The following NAALADL2 variants were observed in gnomAD, a reference collection of about 807,000 sequenced individuals.
The protein encoded by NAALADL2 is N-acetylated alpha-linked acidic dipeptidase like 2.
Under a neutral mutation model 87.2 loss-of-function variants are expected in NAALADL2, and 76 were observed. The ratio of observed to expected loss-of-function variants is 0.87; its 90% confidence interval spans 0.72 to 1.05. The LOEUF (loss-of-function observed/expected upper bound fraction) is 1.05, where lower values mean the gene tolerates loss of function less well. Ranked by LOEUF, NAALADL2 falls within the 50% of genes least tolerant of loss-of-function variation. NAALADL2 has a pLI of 0.00. For synonymous variants in NAALADL2, 354 were observed against 331.0 expected (o/e 1.07, Z -0.75); for missense variants, 1,089 against 945.8 (o/e 1.15, Z -1.99).
At chr3:175,693,292 A>G (rs988717841) in intron 11 of NAALADL2, among the ~76,000 whole-genome samples, 1 of 152,182 alleles carries the variant, frequency 6.6e-6, no homozygotes, top group Non-Finnish European at 1.5e-5. Flanking sequence ...AGGTTCATCT[A>G]TTACAGTGGC....
At chr3:175,213,868 T>C (rs1458336080) in intron 2 of NAALADL2, among the ~76,000 whole-genome samples, 1 of 152,128 alleles carries the variant, frequency 6.6e-6, no homozygotes, top group Non-Finnish European at 1.5e-5. Flanking sequence ...ATCCCAACAT[T>C]AGCATTTCCC....
intron 10 of NAALADL2, among the ~76,000 whole-genome samples, chr3:175,576,516 A>C (rs183432569): frequency 6.6e-6 from 1 of 152,314 alleles, no homozygotes; most frequent in African/African-American, 2.4e-5. Context: ...TGACATGTGC[A>C]ATAGATTCTC....
At chr3:174,859,035 A>G (rs1283291733), upstream of NAALADL2, among the ~76,000 whole-genome samples, 2 of 152,150 alleles carry the variant, frequency 1.3e-5, no homozygotes, top group African/African-American at 4.8e-5. Flanking sequence ...AACACTCAAA[A>G]ACAAAGAAAC....
At chr3:175,346,164 T>G (rs1214404925) in intron 5 of NAALADL2, among the ~76,000 whole-genome samples, 1 of 152,072 alleles carries the variant, frequency 6.6e-6, no homozygotes, top group Non-Finnish European at 1.5e-5. Flanking sequence ...ATGAAATATA[T>G]TCATTATAAA....
intron 1 of NAALADL2, among the ~76,000 whole-genome samples, chr3:174,500,727 T>A (rs1369342688): frequency 6.6e-6 from 1 of 152,188 alleles, no homozygotes; most frequent in Non-Finnish European, 1.5e-5. Context: ...GAAATGATCA[T>A]GTTTTTTCTT....
chr3:175,326,343 A>T lies in NAALADL2; in HGVS notation c.1090+2018A>T, dbSNP rs558193271. On this transcript the variant is annotated intron_variant, in intron 5 of 13. Transcript: ENST00000454872. ...GACCATTTAAGTAATCTCTATGAAG[A>T]TACAGCCTTCCCTACAGCTCTTGTC... Among the ~76,000 whole-genome samples the T allele has an allele frequency of 2.6e-5, 4 of 152,320 alleles. No homozygotes were observed. In the South Asian group the frequency reaches 8.3e-4, roughly 32 times the overall value.
intron 1 of NAALADL2, among the ~76,000 whole-genome samples, chr3:175,030,282 T>G (rs1042730866): frequency 6.6e-6 from 1 of 152,164 alleles, no homozygotes; most frequent in Admixed American, 6.6e-5. Flanking sequence ...CCATTAAGTT[T>G]TCTGTTATAG....
At chr3:175,283,725 C>G (rs545696891) in intron 4 of NAALADL2, among the ~76,000 whole-genome samples, 2 of 152,054 alleles carry the variant, frequency 1.3e-5, no homozygotes, top group Non-Finnish European at 2.9e-5. Context: ...GGTTCCTGTG[C>G]GGCTTGTGAG....
intron 2 of NAALADL2, among the ~76,000 whole-genome samples, chr3:174,640,122 G>A (rs1023345624): frequency 2.0e-5 from 3 of 152,142 alleles, no homozygotes; most frequent in African/African-American, 7.2e-5. Context: ...ATTTAGCCTA[G>A]AAATGCCAAA....
chr3:175,659,135 A>G (rs752007470), intron 11 of NAALADL2, among the ~76,000 whole-genome samples: 9 of 152,202 alleles, frequency 5.9e-5, no homozygotes, highest in Non-Finnish European at 8.8e-5. Context: ...ATACCTATCA[A>G]ATAGGATTTT....
At chr3:175,786,097 A>T (rs1353661604) in intron 13 of NAALADL2, among the ~76,000 whole-genome samples, 1 of 151,938 alleles carries the variant, frequency 6.6e-6, no homozygotes, top group Non-Finnish European at 1.5e-5. Flanking sequence ...CTTCCCTTTG[A>T]GGGTAACCCA....
At chr3:175,487,268 G>C (rs1417870048) in intron 9 of NAALADL2, among the ~76,000 whole-genome samples, 1 of 152,028 alleles carries the variant, frequency 6.6e-6, no homozygotes, top group South Asian at 2.1e-4. Context: ...CCCTTACCCT[G>C]TACTATCATA....
intron 11 of NAALADL2, among the ~76,000 whole-genome samples, chr3:175,736,321 CA>C (rs1369636024): frequency 1.3e-5 from 2 of 152,058 alleles, no homozygotes; most frequent in Non-Finnish European, 2.9e-5. Context: ...ATTGATCTCA[CA>C]GATGTATTAA....
intron 1 of NAALADL2, among the ~76,000 whole-genome samples, chr3:174,951,536 A>G (rs1740345174): frequency 6.6e-6 from 1 of 152,026 alleles, no homozygotes; most frequent in South Asian, 2.1e-4. Context: ...TCTTTCTCTA[A>G]ATCTTTTTAA....
chr3:174,594,096 T>C (rs1462819287), intron 2 of NAALADL2, among the ~76,000 whole-genome samples: 1 of 131,162 alleles, frequency 7.6e-6, no homozygotes, highest in Non-Finnish European at 1.5e-5. Context: ...GGAATTTTTT[T>C]TCTTTAGTCA....
intron 1 of NAALADL2, among the ~76,000 whole-genome samples, chr3:174,912,224 T>C (rs1291152561): frequency 6.6e-6 from 1 of 152,070 alleles, no homozygotes; most frequent in Non-Finnish European, 1.5e-5. Flanking sequence ...CAACAAGATA[T>C]AGGTGTTTGC....
At chr3:174,727,118 A>G (rs1231557651) in intron 2 of NAALADL2, among the ~76,000 whole-genome samples, 4 of 151,918 alleles carry the variant, frequency 2.6e-5, no homozygotes, top group Non-Finnish European at 4.4e-5. Flanking sequence ...CTTTGGCTTT[A>G]TTCAAGGAGT....
Position 174,959,432 on chromosome 3 carries a change from C to T in NAALADL2, c.43+99982C>T, listed in dbSNP as rs1000585065. On this transcript the variant is annotated intron_variant, in intron 1 of 13. Coordinates refer to ENST00000454872, the MANE Select transcript of NAALADL2 (RefSeq NM_207015.3). ...GCTGCCCACAGGCTCTGGAAACATACAATTGGTGATTGTTCTGAGGAGTTA... is the reference window on the plus strand; with the variant it reads ...GCTGCCCACAGGCTCTGGAAACATATAATTGGTGATTGTTCTGAGGAGTTA... Among the ~76,000 whole-genome samples the T allele has an allele frequency of 2.6e-5, 4 of 151,944 alleles. No individual in the cohort carries two copies. In the South Asian group the frequency reaches 8.3e-4, roughly 31 times the overall value.
At position 175,701,707 on chromosome 3, in the gene NAALADL2, T is replaced by G. The variant is rs536338368; in HGVS notation, c.1897-35599T>G. ...TATTCATATCATGACTGTGCTTGTT[T>G]GTAAAAAAGAAACAAAAATGACTTC... is the stretch of plus-strand genomic sequence containing the variant. On this transcript the variant is annotated intron_variant, in intron 11 of 13. Transcript: ENST00000454872. Among the ~76,000 whole-genome samples, 20 of 152,272 alleles carry G rather than the reference T, an allele frequency of 1.3e-4. No individual in the cohort carries two copies. In the South Asian group the frequency reaches 4.1e-3, roughly 32 times the overall value.
Sources: gnomAD v4.1 joint callset for allele counts (sites outside exome capture counted in the v4.1 genomes callset) on GRCh38, gnomAD v4.1.1 for gene constraint, MANE v1.5 for transcripts, NCBI Gene and HGNC (gene_info 2026-07-23, HGNC 2026-07-21) for gene names.